The following A2ML1 variants were observed in gnomAD, a reference collection of about 807,000 sequenced individuals.
A2ML1 encodes alpha-2-macroglobulin like 1, also known as alpha-2-macroglobulin-like protein 1.
In A2ML1, 161 loss-of-function variants were observed where a neutral mutation model predicts 181.9. The ratio of observed to expected loss-of-function variants is 0.89; its 90% CI spans 0.78 to 1.01. The LOEUF (loss-of-function observed/expected upper bound fraction) is 1.01. Among genes scored for constraint, A2ML1 ranks in the 50% least tolerant of loss-of-function variants. A2ML1 has a pLI of 0.00. For synonymous variants in A2ML1, 663 were observed against 666.8 expected (o/e 0.99, Z 0.09); for missense variants, 1,670 against 1,768.1 (o/e 0.94, Z 1.00).
intron 23 of A2ML1, among the ~76,000 whole-genome samples, chr12:8,855,891 G>A (rs140247136): frequency 1.3e-5 from 2 of 152,260 alleles, no homozygotes; most frequent in African/African-American, 2.4e-5. Flanking sequence ...CAGAATATTT[G>A]CAGCAACCAT....
chr12:8,874,746 A>G (rs1286087464), intron 34 of A2ML1, among the ~76,000 whole-genome samples: 1 of 152,194 alleles, frequency 6.6e-6, no homozygotes, highest in Non-Finnish European at 1.5e-5. Flanking sequence ...TCGGAGAACA[A>G]TGTGAACCAT....
rs756072275 is a variant in A2ML1, at chr12:8,825,772, T to C, written c.409+1890T>C. 4.6e-5 allele frequency among the ~76,000 whole-genome samples: 7 copies of C among 152,344 alleles called. No homozygotes were observed. In the South Asian group the frequency reaches 1.4e-3, roughly 32 times the overall value. On this transcript the variant is annotated intron_variant, in intron 3 of 35. Transcript: ENST00000299698. Reference sequence around the variant, plus strand: ...TTCATCCATTTTGACTTGATTTTTCTATATGGAGAGAGATGAGGGTCTAGT... The same window carrying C: ...TTCATCCATTTTGACTTGATTTTTCCATATGGAGAGAGATGAGGGTCTAGT...
intron 4 of A2ML1, among the ~76,000 whole-genome samples, chr12:8,830,412 ATT>A (rs11330244): frequency 5.3e-5 from 8 of 150,744 alleles, no homozygotes; most frequent in East Asian, 3.9e-4. Context: ...TGACAAAAGC[ATT>A]TTTTTTTTTA....
intron 7 of A2ML1, among the ~76,000 whole-genome samples, chr12:8,882,883 C>T (rs770476271): frequency 6.6e-6 from 1 of 152,232 alleles, no homozygotes; most frequent in East Asian, 1.9e-4. Flanking sequence ...AAGTTCTATT[C>T]CTGTTCATGG....
rs182311338 is a variant in A2ML1 at position 8,866,795 on chromosome 12, C to T, written c.3718-1047C>T. 4.5e-3 allele frequency among the ~76,000 whole-genome samples: 685 copies of T among 151,884 alleles called. 5 individuals are homozygous for T. Among genetic ancestry groups the T allele is most frequent in the Non-Finnish European group, 7.3e-3 (498 of 67,972 alleles). Reference sequence around the variant, plus strand: ...CTGTTTTGTAGGACAGTGATAATGTCGAAATAAGAATGTATTTTTCATTTG... The same window carrying T: ...CTGTTTTGTAGGACAGTGATAATGTTGAAATAAGAATGTATTTTTCATTTG... On this transcript the variant is annotated intron_variant, in intron 29 of 35. Coordinates refer to ENST00000299698, the MANE Select transcript of A2ML1 (RefSeq NM_144670.6).
rs777319470 is a variant in A2ML1, at chr12:8,874,413, T to A, written c.4222-12T>A. 1 of 1,600,840 alleles carries A rather than the reference T, an allele frequency of 6.2e-7. No individual in the cohort carries two copies. The highest frequency in any genetic ancestry group is 8.6e-7 in the Non-Finnish European group (1 of 1,168,174). On this transcript the variant is annotated splice_polypyrimidine_tract_variant and intron_variant, in intron 33 of 35. Transcript: ENST00000299698. ...TACTTCTAAGGTACTGTTTCATCTG[T>A]CTTCCCCACAGCTCATTAAGAACAC...
chr12:8,843,682 A>C (rs907028708), intron 12 of A2ML1, among the ~76,000 whole-genome samples: 6 of 151,122 alleles, frequency 4.0e-5, no homozygotes, highest in Non-Finnish European at 7.4e-5. Context: ...CTCAGTTTGG[A>C]CTGAGCACAT....
intron 33 of A2ML1, among the ~76,000 whole-genome samples, chr12:8,871,049 G>A (rs1047119815): frequency 1.2e-4 from 18 of 152,038 alleles, no homozygotes; most frequent in African/African-American, 4.1e-4. Flanking sequence ...TACACTATAA[G>A]CGTCCCTCTA....
Position 8,835,546 on chromosome 12 carries a change from G to A in A2ML1, c.523G>A (p.Val175Ile), listed in dbSNP as rs1438542258. ...SNRIAQWLEV[V>I]PEQGIVDLSF... The stretch of plus-strand genomic sequence containing the variant: ...CAGGATTGCACAGTGGCTGGAAGTG[G>A]TACCTGAGCAAGGCATTGTAGACCT... The change falls in exon 6 of 36, where the codon GTA becomes ATA. Residue 175 changes from valine to isoleucine, a missense_variant. Physicochemically the swap from Val to Ile is conservative, Grantham distance 29. Coordinates refer to ENST00000299698, the MANE Select transcript of A2ML1 (RefSeq NM_144670.6). The A allele has an allele frequency of 1.2e-6, 2 of 1,614,174 alleles. No homozygotes were observed. Among genetic ancestry groups the A allele is most frequent in the Admixed American group, 3.3e-5 (2 of 60,020 alleles).
chr12:8,882,711 C>CTTTGGGACT (rs1944882805), intron 7 of A2ML1, among the ~76,000 whole-genome samples: 1 of 152,152 alleles, frequency 6.6e-6, no homozygotes, highest in Non-Finnish European at 1.5e-5. Context: ...CCTGTAGTCC[C>CTTTGGGACT]AGCACTTTGG....
In A2ML1 at chr12:8,823,791, C is replaced by T. The variant is rs1158872836; in HGVS notation, c.318C>T (p.Ser106=). 2 of 1,613,962 alleles carry T rather than the reference C, an allele frequency of 1.2e-6. No individual in the cohort carries two copies. The highest frequency in any genetic ancestry group is 1.7e-6 in the Non-Finnish European group (2 of 1,180,026). Residue 106 remains serine (S), a synonymous_variant, in exon 3 of 36, where the codon AGC becomes AGT. Transcript: ENST00000299698. ...TGTCGGGAGTTGGAAATAACATCAG[C>T]TTTGAGGAGAAGAAAAAGGTTCTAA... The part of the protein sequence containing the change: ...IRVSGVGNNI[S]FEEKKKVLIQ...
At chr12:8,862,351 C>T (rs890847506) in intron 28 of A2ML1, among the ~76,000 whole-genome samples, 6 of 151,884 alleles carry the variant, frequency 4.0e-5, no homozygotes, top group Non-Finnish European at 8.8e-5. Flanking sequence ...TACAGGTGCC[C>T]GCCACCACAC....
chr12:8,861,307 T>C lies in A2ML1; in HGVS notation c.3502+10T>C, dbSNP rs771296293. The stretch of plus-strand genomic sequence containing the variant: ...CAGGCTATCATCTCAGGTATGTTGG[T>C]CCTGTTGAGAGTTCTTTGAAATTGT... On this transcript the variant is annotated intron_variant, in intron 28 of 35. Transcript: ENST00000299698. 65 of 1,613,570 alleles carry C rather than the reference T, an allele frequency of 4.0e-5. No individual in the cohort carries two copies. The highest frequency in any genetic ancestry group is 5.3e-5 in the Non-Finnish European group (62 of 1,179,862).
rs1220415728 is a variant in A2ML1, at chr12:8,842,423, G to GT, written c.1249-709dup. Among the ~76,000 whole-genome samples, 10 of 152,136 alleles carry GT rather than the reference G, an allele frequency of 6.6e-5. 1 individual carries two copies. Among genetic ancestry groups the GT allele is most frequent in the South Asian group, 6.2e-4 (3 of 4,822 alleles). On this transcript the variant is annotated intron_variant, in intron 11 of 35. Transcript: ENST00000299698. ...TTTAGTAGAGATGGGGTTTCACTGT[G>GT]TTAGCCAGGATGGTCTCGATCTCCT...
At chr12:8,884,523 AT>A (rs1019305428) in intron 7 of A2ML1, among the ~76,000 whole-genome samples, 87 of 151,996 alleles carry the variant, frequency 5.7e-4, no homozygotes, top group African/African-American at 1.9e-3. Flanking sequence ...ATGTGTGGGA[AT>A]TGGTTTTCTT....
chr12:8,855,396 A>T (rs1168639054), intron 22 of A2ML1, 113 bp from the exon 23 acceptor site: 2 of 898,250 alleles, frequency 2.2e-6, no homozygotes, highest in African/African-American at 3.3e-5. Flanking sequence ...TCCCAGAGAA[A>T]GCACCGAGTA....
At chr12:8,843,063 C>T in intron 11 of A2ML1, 71 bp from the exon 12 acceptor site, 1 of 1,383,692 alleles carries the variant, frequency 7.2e-7, no homozygotes, top group South Asian at 1.2e-5. Flanking sequence ...TATTTGAAAA[C>T]CGTAACAAGT....
chr12:8,843,121 CTT>C lies in A2ML1; in HGVS notation c.1249-10_1249-9del, dbSNP rs1351082299. 4 of 1,612,048 alleles carry C rather than the reference CTT, an allele frequency of 2.5e-6. No homozygotes were observed. Among genetic ancestry groups the C allele is most frequent in the East Asian group, 4.5e-5 (2 of 44,872 alleles). On this transcript the variant is annotated splice_polypyrimidine_tract_variant and intron_variant, in intron 11 of 35. Coordinates refer to ENST00000299698, the MANE Select transcript of A2ML1 (RefSeq NM_144670.6). ...GCACATGCTAAAATTCTCTCTCTCT[CTT>C]TTATTCTCAGGGAAAGTTTCAAATG... is the stretch of plus-strand genomic sequence containing the variant.
intron 1 of A2ML1, among the ~76,000 whole-genome samples, 156 bp from the exon 2 acceptor site, chr12:8,823,026 G>A (rs1443681830): frequency 3.3e-5 from 5 of 152,172 alleles, no homozygotes; most frequent in South Asian, 2.1e-4. Flanking sequence ...GCACTGAGTC[G>A]TTGCCCCTCT....
Sources: allele counts gnomAD v4.1 joint callset (sites outside exome capture counted in the v4.1 genomes callset), GRCh38; gene constraint gnomAD v4.1.1; transcripts MANE v1.5; gene names NCBI Gene and HGNC (gene_info 2026-07-23, HGNC 2026-07-21).